The following ZNF710 variants were observed in gnomAD, a reference collection of about 807,000 sequenced individuals.
The protein encoded by ZNF710 is zinc finger protein 710.
Under a neutral mutation model 50.6 loss-of-function variants are expected in ZNF710, and 13 were observed. That is an observed-to-expected ratio of 0.26 (90% confidence interval 0.17 to 0.41). The LOEUF is 0.41. Ranked by LOEUF, ZNF710 falls within the 10% of genes least tolerant of loss-of-function variation. The probability of loss-of-function intolerance (pLI) is 1.00; values close to 1 mark genes in which losing one functional copy is unlikely to be tolerated. For missense variants in ZNF710, 721 were observed against 936.6 expected, an observed-to-expected ratio of 0.77 and a Z score of 3.01; for synonymous variants, 383 against 397.0, an observed-to-expected ratio of 0.96 and a Z score of 0.42.
At chr15:90,030,185 C>T (rs902530322) in intron 1 of ZNF710, among the ~76,000 whole-genome samples, 4 of 151,220 alleles carry the variant, frequency 2.6e-5, no homozygotes, top group African/African-American at 7.3e-5. Flanking sequence ...CAAAATTAGC[C>T]GGATGTGGTG....
chr15:90,043,650 C>G (rs1247882276), intron 1 of ZNF710, among the ~76,000 whole-genome samples: 2 of 152,242 alleles, frequency 1.3e-5, no homozygotes, highest in Non-Finnish European at 2.9e-5. Flanking sequence ...TTTGCATTGT[C>G]ACCGTGATTG....
chr15:90,042,973 C>T (rs1026396939), intron 1 of ZNF710, among the ~76,000 whole-genome samples: 2 of 152,250 alleles, frequency 1.3e-5, no homozygotes, highest in African/African-American at 2.4e-5. Flanking sequence ...CAGCTGGTGG[C>T]CTGTAAAAAG....
chr15:90,008,459 T>TATACACATATATATATACAC (rs1898211348), intron 1 of ZNF710, among the ~76,000 whole-genome samples: 1 of 143,712 alleles, frequency 7.0e-6, no homozygotes, highest in African/African-American at 2.7e-5. Context: ...TATATGTATA[T>TATACACATATATATATACAC]ATATATACAT....
chr15:90,078,869 C>CG lies in ZNF710; in HGVS notation c.1826-791_1826-790insG, dbSNP rs1900654363. On this transcript the variant is annotated intron_variant, in intron 4 of 4. Coordinates refer to ENST00000268154, the MANE Select transcript of ZNF710 (RefSeq NM_198526.4). ...GCACTTTGGGGGCCAGCCACAGCCCCTGCCAGCCTCCCAGTTCCCCCAGAT... is the reference window on the plus strand; with the variant it reads ...GCACTTTGGGGGCCAGCCACAGCCCCGTGCCAGCCTCCCAGTTCCCCCAGAT... Among the ~76,000 whole-genome samples, 4 of 152,244 alleles carry CG rather than the reference C, an allele frequency of 2.6e-5. No individual in the cohort carries two copies. In the South Asian group the frequency reaches 8.3e-4, roughly 31 times the overall value.
intron 1 of ZNF710, among the ~76,000 whole-genome samples, chr15:90,050,474 C>A (rs922264681): frequency 6.6e-6 from 1 of 152,206 alleles, no homozygotes; most frequent in Non-Finnish European, 1.5e-5. Flanking sequence ...GGGAAGGGGT[C>A]TTCCTAATCA....
intron 1 of ZNF710, among the ~76,000 whole-genome samples, chr15:90,014,218 T>C (rs1157524566): frequency 6.6e-6 from 1 of 152,128 alleles, no homozygotes; most frequent in Non-Finnish European, 1.5e-5. Context: ...TGACATCCGA[T>C]GCAGCTGTGT....
At chr15:90,038,015 GT>G (rs2097239192) in intron 1 of ZNF710, among the ~76,000 whole-genome samples, 2 of 152,240 alleles carry the variant, frequency 1.3e-5, no homozygotes, top group Non-Finnish European at 2.9e-5. Context: ...CTGTACCAAA[GT>G]GAGTGCTGGG....
In ZNF710 at chr15:90,059,047, C is replaced by T. The variant is rs919082878; in HGVS notation, c.-28-8063C>T. 2.0e-5 allele frequency among the ~76,000 whole-genome samples: 3 copies of T among 152,240 alleles called. No homozygotes were observed. The highest frequency in any genetic ancestry group is 7.2e-5 in the African/African-American group (3 of 41,460). On this transcript the variant is annotated intron_variant, in intron 1 of 4. Coordinates refer to ENST00000268154, the MANE Select transcript of ZNF710 (RefSeq NM_198526.4). The surrounding 1 kb of genome is among the most constrained non-coding windows in gnomAD (Gnocchi z 4.1). Reference sequence around the variant, plus strand: ...CCAAGCACACAGCCGGGCACCATAGCTTAGCCAAGATGACGCATATGATTT... The same window carrying T: ...CCAAGCACACAGCCGGGCACCATAGTTTAGCCAAGATGACGCATATGATTT...
intron 1 of ZNF710, among the ~76,000 whole-genome samples, chr15:90,003,507 C>T (rs1324887011): frequency 6.6e-6 from 1 of 152,044 alleles, no homozygotes; most frequent in African/African-American, 2.4e-5. Flanking sequence ...AAGTAGAGGG[C>T]TGGGGGTCTG....
At chr15:90,060,308 T>G (rs1016084498) in intron 1 of ZNF710, among the ~76,000 whole-genome samples, 1 of 152,224 alleles carries the variant, frequency 6.6e-6, no homozygotes, top group Non-Finnish European at 1.5e-5. Context: ...ATCCCAGCAC[T>G]TTGGGAGGCC....
rs970689502 is a variant in ZNF710 at position 90,040,411 on chromosome 15, C to G, written c.-28-26699C>G. On this transcript the variant is annotated intron_variant, in intron 1 of 4. Coordinates refer to ENST00000268154, the MANE Select transcript of ZNF710 (RefSeq NM_198526.4). The surrounding 1 kb of genome is among the most constrained non-coding windows in gnomAD (Gnocchi z 4.6). ...CCCTGCAAGGTACAAGCCCTCCAGC[C>G]TCTTCCACCCAAATGTGTCACCTTG... is the stretch of plus-strand genomic sequence containing the variant. 6.6e-6 allele frequency among the ~76,000 whole-genome samples: 1 copy of G among 152,226 alleles called. No homozygotes were observed. The highest frequency in any genetic ancestry group is 2.4e-5 in the African/African-American group (1 of 41,466).
chr15:90,024,559 C>T (rs11073897), intron 1 of ZNF710, among the ~76,000 whole-genome samples: 65,767 of 152,142 alleles, frequency 0.43, 16,575 homozygotes, highest in Non-Finnish European at 0.57. Context: ...GAAGGGAGCG[C>T]AGGTGGCTGC....
rs1476197495 is a variant in ZNF710, at chr15:90,059,656, C to T, written c.-28-7454C>T. Among the ~76,000 whole-genome samples, 1 of 152,218 alleles carries T rather than the reference C, an allele frequency of 6.6e-6. No individual in the cohort carries two copies. The highest frequency in any genetic ancestry group is 1.5e-5 in the Non-Finnish European group (1 of 68,030). On this transcript the variant is annotated intron_variant, in intron 1 of 4. Transcript: ENST00000268154. The surrounding 1 kb of genome is among the most constrained non-coding windows in gnomAD (Gnocchi z 4.1). ...CCCTCCCCCGTGCCGGCGGCAGCTC[C>T]CTGGGCCTCTGGCTCCTGAGGCCTG... is the stretch of plus-strand genomic sequence containing the variant.
At chr15:90,074,813 C>T in intron 4 of ZNF710, 1 of 324,992 alleles carries the variant, frequency 3.1e-6, no homozygotes, top group Non-Finnish European at 5.9e-6. Context: ...ACTCCAAGTA[C>T]ACCATGGGAG....
intron 1 of ZNF710, among the ~76,000 whole-genome samples, chr15:90,003,034 C>A (rs1441842553): frequency 6.6e-6 from 1 of 152,170 alleles, no homozygotes; most frequent in Non-Finnish European, 1.5e-5. Flanking sequence ...CCACCACGCC[C>A]GTTTAATTTT....
chr15:90,044,549 A>T (rs1899402718), intron 1 of ZNF710, among the ~76,000 whole-genome samples: 2 of 152,222 alleles, frequency 1.3e-5, no homozygotes, highest in Non-Finnish European at 2.9e-5. Flanking sequence ...ATCCTTTGTG[A>T]CAGGGACACA....
intron 3 of ZNF710, among the ~76,000 whole-genome samples, chr15:90,073,672 TAAAG>T (rs1900474759): frequency 2.6e-5 from 4 of 151,842 alleles, no homozygotes; most frequent in African/African-American, 7.3e-5. Flanking sequence ...TGGAAAAGCA[TAAAG>T]AGAGAACTGT....
At chr15:90,025,756 G>T (rs1449655743) in intron 1 of ZNF710, 1 of 152,180 alleles carries the variant, frequency 6.6e-6, no homozygotes, top group East Asian at 1.9e-4. Context: ...GCCAGTCGGG[G>T]AGTCCTTTGA....
At chr15:90,008,835 A>T (rs1003788714) in intron 1 of ZNF710, among the ~76,000 whole-genome samples, 1 of 151,964 alleles carries the variant, frequency 6.6e-6, no homozygotes, top group African/African-American at 2.4e-5. Flanking sequence ...ATTTTCTGAT[A>T]TTAAATACAT....
Sources: allele counts gnomAD v4.1 joint callset (sites outside exome capture counted in the v4.1 genomes callset), GRCh38; gene constraint gnomAD v4.1.1; non-coding constraint Gnocchi (gnomAD v3.1); transcripts MANE v1.5; gene names NCBI Gene and HGNC (gene_info 2026-07-23, HGNC 2026-07-21).